The following FLT1 variants were observed in gnomAD, a reference collection of about 807,000 sequenced individuals.
FLT1 encodes the protein fms related receptor tyrosine kinase 1.
FLT1 carries 49 observed loss-of-function variants against 156.3 expected under a neutral mutation model. The observed-to-expected ratio is 0.31, with a 90% CI of 0.25 to 0.40. FLT1 has a LOEUF of 0.40. FLT1 is among the 10% of genes least tolerant of loss of function. FLT1 has a pLI of 1.00. For synonymous variants in FLT1, 594 were observed against 583.8 expected (o/e 1.02, Z -0.25); for missense variants, 1,322 against 1,637.2 (o/e 0.81, Z 3.32).
chr13:28,427,451 A>C, intron 9 of FLT1, 133 bp from the exon 10 acceptor site: 2 of 861,890 alleles, frequency 2.3e-6, no homozygotes, highest in Non-Finnish European at 3.8e-6. Context: ...AAAACAAATA[A>C]ACCCTCCTAT....
At chr13:28,392,895 T>C (rs1403736288) in intron 12 of FLT1, among the ~76,000 whole-genome samples, 1 of 152,220 alleles carries the variant, frequency 6.6e-6, no homozygotes, top group Non-Finnish European at 1.5e-5. Context: ...GACAGCCTTT[T>C]AGAAATGACT....
rs866592169 is a variant in FLT1 at position 28,300,999 on chromosome 13, C to G, written c.*2168G>C. Reference sequence around the variant, plus strand: ...TGACTGATGGATGGACTCATGTATGCTACAAACCTGAGTTTGAAGGAGCTG... The same window carrying G: ...TGACTGATGGATGGACTCATGTATGGTACAAACCTGAGTTTGAAGGAGCTG... On this transcript the variant is annotated 3_prime_UTR_variant, in exon 30 of 30. Coordinates refer to ENST00000282397, the MANE Select transcript of FLT1 (RefSeq NM_002019.4). 1 of 232,758 alleles carries G rather than the reference C, an allele frequency of 4.3e-6. No homozygotes were observed. Among genetic ancestry groups the G allele is most frequent in the Non-Finnish European group, 8.5e-6 (1 of 117,776 alleles). The allele number at this position is 232,758 out of a possible 1,614,324, so 14.4% of individuals were successfully genotyped here. A position where few individuals can be genotyped will look rare whatever the true frequency, so the allele number is the denominator to read the frequency against.
intron 22 of FLT1, among the ~76,000 whole-genome samples, 154 bp from the exon 23 acceptor site, chr13:28,321,739 G>C (rs144722893): frequency 6.6e-6 from 1 of 152,226 alleles, no homozygotes; most frequent in Non-Finnish European, 1.5e-5. Flanking sequence ...TAAACATGAA[G>C]AGCCTCTCTA....
At chr13:28,340,904 C>T (rs1479763523) in intron 16 of FLT1, among the ~76,000 whole-genome samples, 1 of 152,136 alleles carries the variant, frequency 6.6e-6, no homozygotes, top group Non-Finnish European at 1.5e-5. Flanking sequence ...CTATGAGGGC[C>T]CGGCCTGCCA....
At chr13:28,419,218 A>C (rs1421266067) in intron 10 of FLT1, among the ~76,000 whole-genome samples, 1 of 152,182 alleles carries the variant, frequency 6.6e-6, no homozygotes, top group African/African-American at 2.4e-5. Flanking sequence ...CATCTTATCA[A>C]TCCAACAGGT....
At chr13:28,426,383 G>A (rs1043011916) in intron 10 of FLT1, among the ~76,000 whole-genome samples, 2 of 152,182 alleles carry the variant, frequency 1.3e-5, no homozygotes, top group African/African-American at 4.8e-5. Flanking sequence ...GCAAGGAAAT[G>A]CTGCACAATT....
intron 14 of FLT1, chr13:28,368,804 A>C (rs1873422590): frequency 1.8e-6 from 1 of 565,686 alleles, no homozygotes; most frequent in Admixed American, 3.0e-5. Flanking sequence ...TTCCGGGTTC[A>C]AGCGATTCTT....
intron 14 of FLT1, among the ~76,000 whole-genome samples, chr13:28,366,178 T>C (rs563007391): frequency 5.1e-4 from 78 of 152,336 alleles, no homozygotes; most frequent in African/African-American, 1.9e-3. Flanking sequence ...ATAGATCTAC[T>C]GTGAAGGCCA....
intron 3 of FLT1, among the ~76,000 whole-genome samples, chr13:28,444,022 C>A (rs1190546943): frequency 6.6e-6 from 1 of 152,102 alleles, no homozygotes. Context: ...GAAGATATAA[C>A]AATTAAAAAC....
At chr13:28,325,414 C>G (rs1308907230) in intron 20 of FLT1, among the ~76,000 whole-genome samples, 2 of 152,162 alleles carry the variant, frequency 1.3e-5, no homozygotes, top group Admixed American at 1.3e-4. Context: ...CTGACTTCAC[C>G]TCATGGTAGG....
intron 13 of FLT1, chr13:28,386,723 C>CA (rs1445143671): frequency 1.9e-6 from 2 of 1,055,008 alleles, no homozygotes; most frequent in African/African-American, 3.3e-5. Flanking sequence ...ACAATTTTGA[C>CA]ATTTTTTACA....
intron 23 of FLT1, among the ~76,000 whole-genome samples, chr13:28,319,892 T>C (rs1169583014): frequency 6.6e-6 from 1 of 152,196 alleles, no homozygotes; most frequent in African/African-American, 2.4e-5. Context: ...TTTGAAGATA[T>C]CCTGAAAACT....
intron 3 of FLT1, among the ~76,000 whole-genome samples, chr13:28,464,686 A>G (rs1879757425): frequency 6.6e-6 from 1 of 152,234 alleles, no homozygotes; most frequent in Non-Finnish European, 1.5e-5. Context: ...TCTGTTGTAT[A>G]GTTGAAATGG....
chr13:28,484,679 G>A (rs1236252650), intron 1 of FLT1, among the ~76,000 whole-genome samples: 1 of 152,102 alleles, frequency 6.6e-6, no homozygotes, highest in Non-Finnish European at 1.5e-5. Flanking sequence ...GACAGAAGGA[G>A]GGAAAGACTA....
chr13:28,445,286 G>A (rs1264371822), intron 3 of FLT1, among the ~76,000 whole-genome samples: 1 of 152,080 alleles, frequency 6.6e-6, no homozygotes, highest in African/African-American at 2.4e-5. Context: ...GACCAGCCTG[G>A]CCAACATGGT....
At chr13:28,464,129 C>A (rs1318196222) in intron 3 of FLT1, among the ~76,000 whole-genome samples, 1 of 152,170 alleles carries the variant, frequency 6.6e-6, no homozygotes, top group Admixed American at 6.5e-5. Flanking sequence ...ATTATCATAA[C>A]AATTTTTCCA....
chr13:28,348,242 C>T (rs1447074495), intron 15 of FLT1, among the ~76,000 whole-genome samples: 3 of 152,226 alleles, frequency 2.0e-5, no homozygotes, highest in Admixed American at 6.5e-5. Context: ...TCCACCTCTG[C>T]AGCCAGAGTG....
At chr13:28,451,300 G>GT (rs1288793225) in intron 3 of FLT1, among the ~76,000 whole-genome samples, 1 of 152,250 alleles carries the variant, frequency 6.6e-6, no homozygotes, top group African/African-American at 2.4e-5. Context: ...GCAGGCACCT[G>GT]TAGTCCCAGC....
intron 16 of FLT1, among the ~76,000 whole-genome samples, chr13:28,344,984 G>A (rs145920103): frequency 3.1e-4 from 47 of 151,622 alleles, no homozygotes; most frequent in African/African-American, 1.1e-3. Context: ...AAAATTTTTT[G>A]TAGAGTCAGG....
Sources: allele counts gnomAD v4.1 joint callset (sites outside exome capture counted in the v4.1 genomes callset), GRCh38; gene constraint gnomAD v4.1.1; transcripts MANE v1.5; gene names NCBI Gene and HGNC (gene_info 2026-07-23, HGNC 2026-07-21).